LRBA: variants seen among roughly 807,000 people sequenced by gnomAD.
LRBA encodes the protein LPS responsive beige-like anchor protein.
In LRBA, 176 loss-of-function variants were observed where a neutral mutation model predicts 330.0. The observed-to-expected ratio is 0.53, with a 90% CI of 0.47 to 0.60. The LOEUF is 0.60. Among genes scored for constraint, LRBA ranks in the 20% least tolerant of loss-of-function variants. LRBA has a pLI of 0.00. For synonymous variants in LRBA, 1,230 were observed against 1,193.0 expected (o/e 1.03, Z -0.64); for missense variants, 3,259 against 3,444.8 (o/e 0.95, Z 1.35).
Position 150,350,096 on chromosome 4 carries a change from T to C in LRBA, c.7258A>G (p.Lys2420Glu), listed in dbSNP as rs747502143. The C allele has an allele frequency of 3.7e-6, 6 of 1,607,484 alleles. No individual in the cohort carries two copies. In the Admixed American group the frequency reaches 5.1e-5, roughly 14 times the overall value. The change falls in exon 48 of 57, where the codon AAA (lysine) becomes GAA (glutamate). Residue 2420 changes from lysine to glutamate, a missense_variant. Lys to Glu is a moderately conservative substitution (Grantham distance 56, BLOSUM62 1). Transcript: ENST00000651943. ...HQWIDLIFGYKQQGPEAVRAL... is the reference protein window; with the variant it reads ...HQWIDLIFGYEQQGPEAVRAL... Reference sequence around the variant, plus strand: ...CGGACAGCTTCTGGTCCTTGCTGTTTATAGCCAAAAATGAGATCAATCCAT... The same window carrying C: ...CGGACAGCTTCTGGTCCTTGCTGTTCATAGCCAAAAATGAGATCAATCCAT...
chr4:150,577,592 T>C (rs569912614), intron 40 of LRBA, among the ~76,000 whole-genome samples: 1 of 152,196 alleles, frequency 6.6e-6, no homozygotes, highest in South Asian at 2.1e-4. Flanking sequence ...AATGCTTTCT[T>C]TTCTTAAGTC....
At chr4:150,882,211 T>G (rs1467755275) in intron 17 of LRBA, among the ~76,000 whole-genome samples, 1 of 152,218 alleles carries the variant, frequency 6.6e-6, no homozygotes, top group Non-Finnish European at 1.5e-5. Flanking sequence ...AATTATTCTA[T>G]GAACCTAATA....
chr4:150,291,896 A>G (rs1341014172), intron 53 of LRBA, among the ~76,000 whole-genome samples: 2 of 152,234 alleles, frequency 1.3e-5, no homozygotes, highest in Non-Finnish European at 2.9e-5. Context: ...TGCAGCCATA[A>G]AAAATGATGA....
At chr4:150,495,759 C>T (rs988205519) in intron 40 of LRBA, among the ~76,000 whole-genome samples, 2 of 152,118 alleles carry the variant, frequency 1.3e-5, no homozygotes, top group Non-Finnish European at 1.5e-5. Context: ...ACTTTCTGTT[C>T]ACTGAAACTC....
At chr4:150,416,258 T>C (rs775964653) in intron 46 of LRBA, among the ~76,000 whole-genome samples, 2 of 152,228 alleles carry the variant, frequency 1.3e-5, no homozygotes, top group Non-Finnish European at 2.9e-5. Flanking sequence ...AAACCCCATA[T>C]ATAACTATTT....
intron 36 of LRBA, among the ~76,000 whole-genome samples, chr4:150,707,309 T>A (rs186636776): frequency 9.9e-5 from 15 of 151,756 alleles, no homozygotes; most frequent in African/African-American, 3.6e-4. Context: ...AAGTTTCAGA[T>A]AAGGTAGACA....
chr4:150,571,649 G>GTTTTTTTTTT (rs58652637), intron 40 of LRBA, among the ~76,000 whole-genome samples: 2 of 74,590 alleles, frequency 2.7e-5, no homozygotes, highest in Admixed American at 2.0e-4. Context: ...CTGGTTAGTT[G>GTTTTTTTTTT]TTTTTTTTTT....
At chr4:150,631,658 T>C (rs1311651382) in intron 37 of LRBA, among the ~76,000 whole-genome samples, 1 of 152,214 alleles carries the variant, frequency 6.6e-6, no homozygotes, top group Non-Finnish European at 1.5e-5. Flanking sequence ...GCCTTATTAA[T>C]CTTTACCAAA....
chr4:150,956,903 A>T (rs1276813721), intron 2 of LRBA, among the ~76,000 whole-genome samples: 1 of 149,234 alleles, frequency 6.7e-6, no homozygotes, highest in East Asian at 1.9e-4. Flanking sequence ...CACAGCTAAC[A>T]TCATACTTAA....
chr4:150,932,155 T>C (rs1734569405), intron 2 of LRBA, among the ~76,000 whole-genome samples: 3 of 152,238 alleles, frequency 2.0e-5, no homozygotes, highest in Non-Finnish European at 4.4e-5. Context: ...TAAAAGCTTT[T>C]CTAACTAAGA....
At chr4:150,576,291 T>TG in intron 40 of LRBA, among the ~76,000 whole-genome samples, 3 of 151,872 alleles carry the variant, frequency 2.0e-5, no homozygotes, top group Middle Eastern at 6.8e-3. Flanking sequence ...AATAAAAGAA[T>TG]GTAGTGTTAC....
intron 36 of LRBA, chr4:150,721,013 C>A (rs1728859505): frequency 1.9e-6 from 1 of 533,584 alleles, no homozygotes; most frequent in East Asian, 5.1e-5. Context: ...TTAGAGATTA[C>A]AATTTGACTG....
At chr4:150,565,947 G>A (rs1030817932) in intron 40 of LRBA, among the ~76,000 whole-genome samples, 1 of 151,692 alleles carries the variant, frequency 6.6e-6, no homozygotes, top group South Asian at 2.1e-4. Flanking sequence ...TAGCATAGAG[G>A]CCAAGCCCAG....
At chr4:150,791,559 T>C (rs888517957) in intron 34 of LRBA, among the ~76,000 whole-genome samples, 1 of 152,128 alleles carries the variant, frequency 6.6e-6, no homozygotes, top group Admixed American at 6.6e-5. Context: ...AGAAAAGGAC[T>C]TGGGCAAGGC....
chr4:150,718,402 T>G (rs1406577215), intron 36 of LRBA, among the ~76,000 whole-genome samples: 1 of 152,098 alleles, frequency 6.6e-6, no homozygotes, highest in Non-Finnish European at 1.5e-5. Flanking sequence ...TTATATTATT[T>G]AAGAATGTAC....
At chr4:150,812,211 A>G (rs1232768774) in intron 31 of LRBA, among the ~76,000 whole-genome samples, 2 of 152,244 alleles carry the variant, frequency 1.3e-5, no homozygotes, top group African/African-American at 4.8e-5. Flanking sequence ...TTATCATTAA[A>G]TATTTCCAGC....
At chr4:150,782,792 T>C (rs1180376169) in intron 34 of LRBA, among the ~76,000 whole-genome samples, 1 of 152,112 alleles carries the variant, frequency 6.6e-6, no homozygotes, top group East Asian at 1.9e-4. Flanking sequence ...TCAATCACGC[T>C]GAAGAAACCA....
chr4:150,372,566 A>C (rs1348929520), intron 47 of LRBA, among the ~76,000 whole-genome samples: 1 of 149,758 alleles, frequency 6.7e-6, no homozygotes. Flanking sequence ...TCTCCAAAAA[A>C]AAAAAAAAAA....
Position 150,302,776 on chromosome 4 carries a change from C to T in LRBA, c.7866G>A (p.Val2622=), listed in dbSNP as rs1426656074. Residue 2622 remains valine (V), a synonymous_variant, in exon 53 of 57, where the codon GTG becomes GTA. Transcript: ENST00000651943. The part of the protein sequence containing the change: ...YSTDTGRLIQ[V]VFGHWDVVTC... ...TGACGACATCCCAATGGCCAAACACCACTTGGATCAATCTTCCTGTAATGC... is the reference window on the plus strand; with the variant it reads ...TGACGACATCCCAATGGCCAAACACTACTTGGATCAATCTTCCTGTAATGC... 6.3e-7 allele frequency: 1 copy of T among 1,595,108 alleles called. No homozygotes were observed. The highest frequency in any genetic ancestry group is 1.7e-5 in the Admixed American group (1 of 57,152).
Sources: allele counts gnomAD v4.1 joint callset (sites outside exome capture counted in the v4.1 genomes callset), GRCh38; gene constraint gnomAD v4.1.1; transcripts MANE v1.5; gene names NCBI Gene and HGNC (gene_info 2026-07-23, HGNC 2026-07-21).